The following RYK variants were observed in gnomAD, a reference collection of about 807,000 sequenced individuals.
The protein encoded by RYK is inactive tyrosine-protein kinase RYK.
RYK carries 21 observed loss-of-function variants against 70.2 expected under a neutral mutation model. The ratio of observed to expected loss-of-function variants is 0.30; its 90% confidence interval spans 0.21 to 0.43. The LOEUF (loss-of-function observed/expected upper bound fraction) is 0.43, where lower values mean the gene tolerates loss of function less well. Ranked by LOEUF, RYK falls within the 20% of genes least tolerant of loss-of-function variation. RYK has a pLI of 1.00. For missense variants in RYK, 604 were observed against 753.3 expected, an observed-to-expected ratio of 0.80 and a Z score of 2.32; for synonymous variants, 267 against 278.0, an observed-to-expected ratio of 0.96 and a Z score of 0.39.
intron 1 of RYK, among the ~76,000 whole-genome samples, chr3:134,246,596 C>T (rs574546132): frequency 5.6e-4 from 85 of 151,932 alleles, no homozygotes; most frequent in African/African-American, 1.9e-3. Context: ...CATCAAAAAC[C>T]CTTAAGACAG....
chr3:134,241,509 T>G (rs1230285828), intron 1 of RYK, among the ~76,000 whole-genome samples: 1 of 152,360 alleles, frequency 6.6e-6, no homozygotes, highest in East Asian at 1.9e-4. Flanking sequence ...CCACTGATTA[T>G]AACATGGTTC....
At position 134,168,737 on chromosome 3, in the gene RYK, T is replaced by A. The variant is rs868417895; in HGVS notation, c.1575+6872A>T. Among the ~76,000 whole-genome samples the A allele has an allele frequency of 4.6e-5, 7 of 152,086 alleles. No homozygotes were observed. The South Asian group carries it at 1.5e-3, about 32-fold the overall frequency. On this transcript the variant is annotated intron_variant, in intron 13 of 14. Transcript: ENST00000623711. ...ATACATATGTAACAAACCTGCATGT[T>A]ATGCACATGTACCTTAGAACTTAAA...
At chr3:134,170,352 C>A (rs889291941) in intron 13 of RYK, 9 of 152,182 alleles carry the variant, frequency 5.9e-5, no homozygotes, top group African/African-American at 2.2e-4. Flanking sequence ...CCAAAACACA[C>A]TGAAAGTAAT....
chr3:134,238,278 G>A (rs145616010), intron 1 of RYK, among the ~76,000 whole-genome samples: 204 of 152,148 alleles, frequency 1.3e-3, no homozygotes, highest in African/African-American at 4.6e-3. Flanking sequence ...ATGATTTTTC[G>A]TGTAATTCTC....
intron 6 of RYK, among the ~76,000 whole-genome samples, chr3:134,200,275 A>G (rs916077265): frequency 1.6e-4 from 24 of 152,178 alleles, no homozygotes; most frequent in African/African-American, 5.8e-4. Flanking sequence ...CTTCACTCCT[A>G]AAGCCAGTGA....
chr3:134,232,905 C>A (rs1361041387), intron 1 of RYK, among the ~76,000 whole-genome samples: 2 of 152,170 alleles, frequency 1.3e-5, no homozygotes, highest in Non-Finnish European at 2.9e-5. Context: ...AGAAAAAGAT[C>A]CTCATTTAGC....
At chr3:134,249,933 T>G (rs553991251) in intron 1 of RYK, among the ~76,000 whole-genome samples, 62 of 148,470 alleles carry the variant, frequency 4.2e-4, no homozygotes, top group Admixed American at 1.2e-3. Flanking sequence ...TTTTTTTTTT[T>G]TTTTTTTTTT....
chr3:134,242,034 G>A (rs1404576663), intron 1 of RYK, among the ~76,000 whole-genome samples: 1 of 152,184 alleles, frequency 6.6e-6, no homozygotes, highest in Non-Finnish European at 1.5e-5. Context: ...GGGCAAGGTG[G>A]CTCACGCCTG....
intron 1 of RYK, among the ~76,000 whole-genome samples, chr3:134,249,916 C>CGTTTTTTTTTTTTTTTTTTTTTTTTTTT (rs2015563722): frequency 1.2e-5 from 1 of 86,596 alleles, no homozygotes; most frequent in African/African-American, 8.1e-5. Flanking sequence ...CTTTCTCTCT[C>CGTTTTTTTTTTTTTTTTTTTTTTTTTTT]GTTTTTTTTT....
chr3:134,203,256 G>A (rs959266934), intron 5 of RYK, among the ~76,000 whole-genome samples: 1 of 152,190 alleles, frequency 6.6e-6, no homozygotes, highest in African/African-American at 2.4e-5. Flanking sequence ...GCTGAGGCAT[G>A]AGAATCGCTT....
rs750496981 is a variant in RYK at position 134,177,916 on chromosome 3, T to C, written c.1305+25A>G. On this transcript the variant is annotated intron_variant, in intron 11 of 14. Coordinates refer to ENST00000623711, the MANE Select transcript of RYK (RefSeq NM_002958.4). ...TTATCAGAAACTACTGGTAAATAAT[T>C]GGTATTTGGGCAAATTTTTCTCACC... 3.1e-6 allele frequency: 5 copies of C among 1,594,044 alleles called. No homozygotes were observed. In the South Asian group the frequency reaches 5.7e-5, roughly 18 times the overall value.
chr3:134,225,686 T>G (rs181201539), intron 1 of RYK, among the ~76,000 whole-genome samples: 3 of 152,024 alleles, frequency 2.0e-5, no homozygotes, highest in Non-Finnish European at 1.5e-5. Context: ...ACAACCCATC[T>G]CTATAAAAAA....
In RYK at chr3:134,215,477, G is replaced by A. The variant is rs536233854; in HGVS notation, c.355-3870C>T. On this transcript the variant is annotated intron_variant, in intron 2 of 14. Coordinates refer to ENST00000623711, the MANE Select transcript of RYK (RefSeq NM_002958.4). ...TTGAGGAACTGTCTAAAAATGGGAG[G>A]CATTCACAAGGTAGTTCTCTTTTCC... Among the ~76,000 whole-genome samples, 6 of 152,310 alleles carry A rather than the reference G, an allele frequency of 3.9e-5. No homozygotes were observed. The East Asian group carries it at 9.6e-4, about 24-fold the overall frequency.
chr3:134,209,655 A>T, intron 4 of RYK, 40 bp downstream of exon 4: 1 of 1,336,986 alleles, frequency 7.5e-7, no homozygotes, highest in Non-Finnish European at 9.9e-7. Flanking sequence ...TCACCTTCTC[A>T]CATACATGTA....
chr3:134,236,263 T>A (rs1285538656), intron 1 of RYK, among the ~76,000 whole-genome samples: 2 of 151,812 alleles, frequency 1.3e-5, no homozygotes, highest in African/African-American at 2.4e-5. Flanking sequence ...GGCAAAACAA[T>A]CCAAGTAGGA....
At chr3:134,250,388 G>T in intron 1 of RYK, 35 bp downstream of exon 1, 2 of 1,333,828 alleles carry the variant, frequency 1.5e-6, no homozygotes, top group African/African-American at 1.5e-5. Flanking sequence ...CAGCCGGCCC[G>T]ACCTGCCCGC....
chr3:134,157,927 T>G lies in RYK; in HGVS notation c.*226A>C, dbSNP rs1425609790. ...TTTAAAAAATTTTGGCCAAAAAATT[T>G]ACAAAAACCCTTTCAGTTCAACCTA... is the stretch of plus-strand genomic sequence containing the variant. On this transcript the variant is annotated 3_prime_UTR_variant, in exon 15 of 15. Coordinates refer to ENST00000623711, the MANE Select transcript of RYK (RefSeq NM_002958.4). 2 of 367,074 alleles carry G rather than the reference T, an allele frequency of 5.4e-6. No homozygotes were observed. Among genetic ancestry groups the G allele is most frequent in the African/African-American group, 2.1e-5 (1 of 47,974 alleles). 22.7% of individuals were successfully genotyped at this position (367,074 alleles called of 1,614,324 possible). A position where few individuals can be genotyped will look rare whatever the true frequency, so the allele number is the denominator to read the frequency against.
chr3:134,216,535 G>A (rs1187724884), intron 2 of RYK, among the ~76,000 whole-genome samples: 2 of 152,100 alleles, frequency 1.3e-5, no homozygotes, highest in Non-Finnish European at 2.9e-5. Context: ...GCTCATGCCT[G>A]TAATGCCAGC....
intron 6 of RYK, among the ~76,000 whole-genome samples, chr3:134,200,629 G>A (rs2013983277): frequency 6.6e-6 from 1 of 152,208 alleles, no homozygotes; most frequent in African/African-American, 2.4e-5. Context: ...TCTGTTTTAA[G>A]AGCTTACTGT....
Sources: allele counts gnomAD v4.1 joint callset (sites outside exome capture counted in the v4.1 genomes callset), GRCh38; gene constraint gnomAD v4.1.1; transcripts MANE v1.5; gene names NCBI Gene and HGNC (gene_info 2026-07-23, HGNC 2026-07-21).